Variants in CDK5RAP1 observed in about 807,000 individuals in gnomAD.
The protein encoded by CDK5RAP1 is mitochondrial tRNA methylthiotransferase CDK5RAP1.
CDK5RAP1 carries 62 observed loss-of-function variants against 64.5 expected under a neutral mutation model. The ratio of observed to expected loss-of-function variants is 0.96; its 90% confidence interval spans 0.78 to 1.19. CDK5RAP1 has a LOEUF of 1.19. CDK5RAP1 is among the 50% of genes most tolerant of loss of function. CDK5RAP1 has a pLI of 0.00. For synonymous variants in CDK5RAP1, 250 were observed against 261.9 expected (o/e 0.95, Z 0.44); for missense variants, 657 against 735.0 (o/e 0.89, Z 1.23).
At chr20:33,369,851 G>C (rs980583399) in intron 11 of CDK5RAP1, among the ~76,000 whole-genome samples, 1 of 152,160 alleles carries the variant, frequency 6.6e-6, no homozygotes, top group Admixed American at 6.5e-5. Context: ...GAGCCCCCTG[G>C]CCACAGGGGG....
chr20:33,391,397 T>G (rs1988304675), intron 5 of CDK5RAP1, among the ~76,000 whole-genome samples: 1 of 152,246 alleles, frequency 6.6e-6, no homozygotes, highest in Non-Finnish European at 1.5e-5. Context: ...AAGTGAATTT[T>G]AAATTTTATT....
intron 4 of CDK5RAP1, among the ~76,000 whole-genome samples, chr20:33,392,577 A>T (rs1022392441): frequency 1.3e-5 from 2 of 151,118 alleles, no homozygotes; most frequent in African/African-American, 4.9e-5. Context: ...AAGTCAAAAG[A>T]TTGGACAGCC....
At chr20:33,401,163 G>A (rs1226303768) in intron 1 of CDK5RAP1, among the ~76,000 whole-genome samples, 1 of 152,320 alleles carries the variant, frequency 6.6e-6, no homozygotes, top group East Asian at 1.9e-4. Context: ...GCAACCCTGT[G>A]AGGCAGGCTG....
chr20:33,401,557 A>G (rs1989424399), upstream of CDK5RAP1: 7 of 976,368 alleles, frequency 7.2e-6, no homozygotes, highest in Non-Finnish European at 8.5e-6. Context: ...AGGCCGGGTC[A>G]TGCTAACGGA....
intron 7 of CDK5RAP1, 25 bp from the exon 8 acceptor site, chr20:33,379,716 A>G: frequency 6.5e-7 from 1 of 1,539,872 alleles, no homozygotes; most frequent in African/African-American, 1.4e-5. Flanking sequence ...ATATATTGGA[A>G]TTTTAAAACT....
intron 8 of CDK5RAP1, among the ~76,000 whole-genome samples, chr20:33,374,982 T>C (rs1049574927): frequency 2.6e-5 from 4 of 150,966 alleles, no homozygotes; most frequent in African/African-American, 7.3e-5. Flanking sequence ...CTGGACAACA[T>C]AGTGAGACCT....
chr20:33,388,677 C>A (rs1987819882), intron 5 of CDK5RAP1, among the ~76,000 whole-genome samples: 1 of 151,838 alleles, frequency 6.6e-6, no homozygotes, highest in South Asian at 2.1e-4. Context: ...GATGCCCAGC[C>A]AAAGCTGGAC....
chr20:33,396,540 T>C (rs1988908693), intron 2 of CDK5RAP1, among the ~76,000 whole-genome samples: 1 of 152,150 alleles, frequency 6.6e-6, no homozygotes, highest in African/African-American at 2.4e-5. Context: ...GCTCAAGCAA[T>C]CCACCCATCT....
Position 33,394,117 on chromosome 20 carries a change from T to C in CDK5RAP1, c.409-51A>G, listed in dbSNP as rs77066598. On this transcript the variant is annotated intron_variant, in intron 3 of 13. Transcript: ENST00000346416. ...GAAAATTACATAATATCTTGGATAT[T>C]AGCCTTGTACAATTCCTGCCCTACA... The C allele has an allele frequency of 7.1e-5, 92 of 1,296,214 alleles. No homozygotes were observed. The African/African-American group carries it at 1.2e-3, about 17-fold the overall frequency. 80.3% of individuals were successfully genotyped at this position (1,296,214 alleles called of 1,614,324 possible). A position where few individuals can be genotyped will look rare whatever the true frequency, so the allele number is the denominator to read the frequency against.
chr20:33,386,650 G>A (rs921287059), intron 6 of CDK5RAP1, among the ~76,000 whole-genome samples: 1 of 151,858 alleles, frequency 6.6e-6, no homozygotes, highest in Admixed American at 6.6e-5. Context: ...AATAATTACG[G>A]CTATGTATCA....
At chr20:33,374,455 T>C (rs1461805631) in intron 8 of CDK5RAP1, among the ~76,000 whole-genome samples, 1 of 91,302 alleles carries the variant, frequency 1.1e-5, no homozygotes, top group Non-Finnish European at 2.4e-5. Flanking sequence ...TAAGCAGAGG[T>C]CAGATTAAAG....
intron 2 of CDK5RAP1, 52 bp from the exon 3 acceptor site, chr20:33,395,168 C>T (rs750442808): frequency 9.4e-7 from 1 of 1,064,466 alleles, no homozygotes; most frequent in East Asian, 2.4e-5. Flanking sequence ...CAAGGGGTCT[C>T]GTGTCTCAAA....
chr20:33,372,497 C>T (rs186955185), intron 10 of CDK5RAP1, 145 bp downstream of exon 10: 9 of 485,006 alleles, frequency 1.9e-5, no homozygotes, highest in African/African-American at 1.2e-4. Context: ...AGAAAGAATA[C>T]GAGGAGAGAG....
chr20:33,378,160 T>C lies in CDK5RAP1; in HGVS notation c.1107+1301A>G, dbSNP rs6059289. ...AACATTTCTGGCTTTTGATTTCAAGTGAGAGCCCTGCGACCCTTCCCTTCA... is the reference window on the plus strand; with the variant it reads ...AACATTTCTGGCTTTTGATTTCAAGCGAGAGCCCTGCGACCCTTCCCTTCA... On this transcript the variant is annotated intron_variant, in intron 8 of 13. Coordinates refer to ENST00000346416, the MANE Select transcript of CDK5RAP1 (RefSeq NM_016408.4). Among the ~76,000 whole-genome samples the C allele has an allele frequency of 4.0e-3, 612 of 152,312 alleles. 7 individuals carry two copies. Among genetic ancestry groups the C allele is most frequent in the African/African-American group, 0.014 (575 of 41,560 alleles).
intron 11 of CDK5RAP1, among the ~76,000 whole-genome samples, chr20:33,369,223 C>A (rs1386784848): frequency 6.6e-6 from 1 of 151,956 alleles, no homozygotes; most frequent in African/African-American, 2.4e-5. Flanking sequence ...GTGGCTCACA[C>A]CTGTAATCCC....
chr20:33,367,999 T>C (rs936225646), intron 11 of CDK5RAP1, among the ~76,000 whole-genome samples: 5 of 152,232 alleles, frequency 3.3e-5, no homozygotes, highest in African/African-American at 1.2e-4. Context: ...TTACCTCTGT[T>C]GTGCATTTAC....
At position 33,366,969 on chromosome 20, in the gene CDK5RAP1, C is replaced by G. The variant is rs372499198; in HGVS notation, c.1432G>C (p.Glu478Gln). 2.5e-6 allele frequency: 4 copies of G among 1,613,526 alleles called. No individual in the cohort carries two copies. Among genetic ancestry groups the G allele is most frequent in the East Asian group, 2.2e-5 (1 of 44,854 alleles). ...TCCAAACGCCTTAATTTTACCTCTT[C>G]CGGGACATCATCCTTCAGCCTATGA... ...AYHRLKDDVP[E>Q]EVKLRRLEEL... Residue 478 changes from glutamate (E) to glutamine (Q), a missense_variant, in exon 12 of 14, where the codon GAA becomes CAA. Coordinates refer to ENST00000346416, the MANE Select transcript of CDK5RAP1 (RefSeq NM_016408.4).
In CDK5RAP1 at chr20:33,392,164, A is replaced by C. The variant is rs756288550; in HGVS notation, c.522T>G (p.Val174=). 6.2e-7 allele frequency: 1 copy of C among 1,612,408 alleles called. No homozygotes were observed. The highest frequency in any genetic ancestry group is 2.2e-5 in the East Asian group (1 of 44,876). Residue 174 remains valine, a synonymous_variant, in exon 5 of 14, where the codon GTT becomes GTG. Coordinates refer to ENST00000346416, the MANE Select transcript of CDK5RAP1 (RefSeq NM_016408.4). The stretch of plus-strand genomic sequence containing the variant: ...TACCTAGAATTCCAATCCTCAGAGG[A>C]ACCCGGGAGCGGGGCCGCCTTGTCT... ...ALKTRRPRSR[V]PLRIGILGCM...
chr20:33,378,172 G>A (rs1245204359), intron 8 of CDK5RAP1, among the ~76,000 whole-genome samples: 3 of 152,148 alleles, frequency 2.0e-5, no homozygotes, highest in Non-Finnish European at 2.9e-5. Context: ...AGAGCCCTGC[G>A]ACCCTTCCCT....
Sources: gnomAD v4.1 joint callset for allele counts (sites outside exome capture counted in the v4.1 genomes callset) on GRCh38, gnomAD v4.1.1 for gene constraint, MANE v1.5 for transcripts, NCBI Gene and HGNC (gene_info 2026-07-23, HGNC 2026-07-21) for gene names.